SLC6A20: variants seen among roughly 807,000 people sequenced by gnomAD.
SLC6A20 encodes sodium- and chloride-dependent transporter XTRP3.
Under a neutral mutation model 64.3 loss-of-function variants are expected in SLC6A20, and 73 were observed. The observed-to-expected ratio is 1.14, with a 90% CI of 0.94 to 1.38. The LOEUF is 1.38. SLC6A20 is among the 40% of genes most tolerant of loss of function. SLC6A20 has a pLI of 0.00. For missense variants in SLC6A20, 725 were observed against 772.8 expected, an observed-to-expected ratio of 0.94 and a Z score of 0.73; for synonymous variants, 347 against 329.6, an observed-to-expected ratio of 1.05 and a Z score of -0.57.
Position 45,771,307 on chromosome 3 carries a change from A to G in SLC6A20, c.845T>C (p.Ile282Thr). The change falls in exon 6 of 11, where the codon ATC (isoleucine) becomes ACC (threonine). Residue 282 changes from isoleucine to threonine, a missense_variant. Transcript: ENST00000358525. ...CQKHAIIVSL[I>T]NSFTSIFASI... is the part of the protein sequence containing the mutation. ...GGCAAATATGGAGGTGAAGCTGTTG[A>G]TGAGGGACACGATGATGGCGTGCTT... is the stretch of plus-strand genomic sequence containing the variant. 6.2e-7 allele frequency: 1 copy of G among 1,614,210 alleles called. No homozygotes were observed. The highest frequency in any genetic ancestry group is 1.7e-5 in the Admixed American group (1 of 60,028).
At chr3:45,761,772 C>T (rs754427419) in intron 9 of SLC6A20, among the ~76,000 whole-genome samples, 85 of 152,186 alleles carry the variant, frequency 5.6e-4, no homozygotes, top group South Asian at 8.3e-4. Flanking sequence ...AATTCTAACC[C>T]TCTCTTTGGG....
chr3:45,789,264 T>G (rs1010319676), intron 1 of SLC6A20, among the ~76,000 whole-genome samples: 1 of 152,020 alleles, frequency 6.6e-6, no homozygotes, highest in Non-Finnish European at 1.5e-5. Flanking sequence ...CTAAATCACT[T>G]GAGAAAAAAA....
Position 45,782,007 on chromosome 3 carries a change from T to C in SLC6A20, c.262+76A>G, listed in dbSNP as rs890469881. On this transcript the variant is annotated intron_variant, in intron 2 of 10. Transcript: ENST00000358525. ...TGCTCGCCCCTTGATCCAGCAGCTTTGCTGATGGGATCCCACCCACACCCC... is the reference window on the plus strand; with the variant it reads ...TGCTCGCCCCTTGATCCAGCAGCTTCGCTGATGGGATCCCACCCACACCCC... 1.2e-5 allele frequency: 17 copies of C among 1,463,912 alleles called. No homozygotes were observed. The African/African-American group carries it at 2.3e-4, about 19-fold the overall frequency. 90.7% of individuals were successfully genotyped at this position (1,463,912 alleles called of 1,614,324 possible). A position where few individuals can be genotyped will look rare whatever the true frequency, so the allele number is the denominator to read the frequency against.
chr3:45,758,753 C>T lies in SLC6A20; in HGVS notation c.*225G>A, dbSNP rs1699593805. The T allele has an allele frequency of 2.3e-6, 3 of 1,319,910 alleles. No individual in the cohort carries two copies. Among genetic ancestry groups the T allele is most frequent in the East Asian group, 3.1e-5 (1 of 32,766 alleles). The allele number at this position is 1,319,910 out of a possible 1,614,324, so 81.8% of individuals were successfully genotyped here. A position where few individuals can be genotyped will look rare whatever the true frequency, so the allele number is the denominator to read the frequency against. ...TTTGAGACCGGCTTTCATAGCCCACCCCCTTCCATGATGAGGAGGCAGGTG... is the reference window on the plus strand; with the variant it reads ...TTTGAGACCGGCTTTCATAGCCCACTCCCTTCCATGATGAGGAGGCAGGTG... On this transcript the variant is annotated 3_prime_UTR_variant, in exon 11 of 11. Coordinates refer to ENST00000358525, the MANE Select transcript of SLC6A20 (RefSeq NM_020208.4).
intron 2 of SLC6A20, among the ~76,000 whole-genome samples, chr3:45,781,635 C>T (rs1286348950): frequency 1.3e-5 from 2 of 152,142 alleles, no homozygotes; most frequent in East Asian, 1.9e-4. Context: ...AACACCTCAG[C>T]GGTGTAAAGA....
chr3:45,777,077 A>T (rs1245227803), intron 3 of SLC6A20, among the ~76,000 whole-genome samples: 1 of 152,202 alleles, frequency 6.6e-6, no homozygotes, highest in Non-Finnish European at 1.5e-5. Flanking sequence ...CCCCACATTG[A>T]TCAGTTTTGC....
chr3:45,767,383 C>G (rs1347868394), intron 7 of SLC6A20, among the ~76,000 whole-genome samples: 1 of 152,078 alleles, frequency 6.6e-6, no homozygotes, highest in East Asian at 1.9e-4. Context: ...AAAAAAATAG[C>G]ATCTATATAA....
chr3:45,762,072 G>A (rs1161320734), intron 9 of SLC6A20, among the ~76,000 whole-genome samples: 1 of 152,190 alleles, frequency 6.6e-6, no homozygotes, highest in Admixed American at 6.5e-5. Context: ...CTAGAGCAGC[G>A]CTGCCCAAAC....
intron 1 of SLC6A20, among the ~76,000 whole-genome samples, chr3:45,786,468 T>C (rs1251450308): frequency 6.6e-6 from 1 of 152,208 alleles, no homozygotes; most frequent in African/African-American, 2.4e-5. Flanking sequence ...TGTCCCTCAT[T>C]TGGAGTTTTG....
chr3:45,770,507 A>T, intron 6 of SLC6A20, 136 bp from the exon 7 acceptor site: 1 of 1,064,286 alleles, frequency 9.4e-7, no homozygotes, highest in Non-Finnish European at 1.3e-6. Flanking sequence ...AGGGCAGGGT[A>T]ATTTTGAATG....
At chr3:45,771,516 A>T in intron 5 of SLC6A20, 58 bp from the exon 6 acceptor site, 2 of 1,604,816 alleles carry the variant, frequency 1.2e-6, no homozygotes, top group South Asian at 2.2e-5. Context: ...AAATGCTCAG[A>T]CCCGCAACAG....
In SLC6A20 at chr3:45,763,015, T is replaced by C; in HGVS notation, c.1361A>G (p.Asn454Ser). Residue 454 changes from asparagine (N) to serine (S), a missense_variant, in exon 9 of 11, where the codon AAC becomes AGC. Asn to Ser is a conservative substitution (Grantham distance 46). Coordinates refer to ENST00000358525, the MANE Select transcript of SLC6A20 (RefSeq NM_020208.4). The part of the protein sequence containing the change: ...IGMVFTMEAG[N>S]YWFDIFNDYA... ...GTCGTTGAATATGTCAAACCAGTAG[T>C]TCCCAGCCTCCATCGTGAACACCAT... 6.2e-7 allele frequency: 1 copy of C among 1,614,062 alleles called. No individual in the cohort carries two copies. The highest frequency in any genetic ancestry group is 2.2e-5 in the East Asian group (1 of 44,880).
chr3:45,781,669 A>G (rs1227691866), intron 2 of SLC6A20, among the ~76,000 whole-genome samples: 2 of 152,220 alleles, frequency 1.3e-5, no homozygotes, highest in African/African-American at 4.8e-5. Context: ...TCATGCACAT[A>G]TATCCTATAG....
chr3:45,775,459 G>A (rs1699948861), intron 4 of SLC6A20, among the ~76,000 whole-genome samples: 1 of 152,136 alleles, frequency 6.6e-6, no homozygotes, highest in Non-Finnish European at 1.5e-5. Context: ...CTCACTGTCT[G>A]GTTGTCTGGG....
intron 1 of SLC6A20, among the ~76,000 whole-genome samples, chr3:45,787,774 C>A (rs967984720): frequency 2.3e-4 from 35 of 152,300 alleles, no homozygotes; most frequent in Non-Finnish European, 4.7e-4. Context: ...GAGATGGGAT[C>A]TGCATGGCTC....
chr3:45,768,215 T>C (rs1699805007), intron 7 of SLC6A20, among the ~76,000 whole-genome samples: 1 of 152,146 alleles, frequency 6.6e-6, no homozygotes, highest in Non-Finnish European at 1.5e-5. Context: ...AGATACTGTT[T>C]AACTTTAGAC....
chr3:45,767,743 T>C (rs1045497827), intron 7 of SLC6A20, among the ~76,000 whole-genome samples: 2 of 152,188 alleles, frequency 1.3e-5, no homozygotes, highest in Non-Finnish European at 2.9e-5. Context: ...ATTCATGCCA[T>C]GTCTAGATTG....
intron 1 of SLC6A20, among the ~76,000 whole-genome samples, chr3:45,789,898 CA>C: frequency 6.6e-6 from 1 of 152,132 alleles, no homozygotes; most frequent in African/African-American, 2.4e-5. Flanking sequence ...GGCCCTTTTA[CA>C]CAATTTCTAC....
rs1437526405 is a variant in SLC6A20 at position 45,782,183 on chromosome 3, C to T, written c.162G>A (p.Glu54=). 1.2e-5 allele frequency: 20 copies of T among 1,613,852 alleles called. No homozygotes were observed. Among genetic ancestry groups the T allele is most frequent in the Non-Finnish European group, 1.7e-5 (20 of 1,179,918 alleles). ...GTTCCAGGTACAAGAGCGGCATTCC[C>T]TCCACGATAAGCATGATGATGTAGG... ...LVPYIIMLIV[E]GMPLLYLELA... The change falls in exon 2 of 11, where the codon GAG becomes GAA. Residue 54 remains glutamate, a synonymous_variant. Coordinates refer to ENST00000358525, the MANE Select transcript of SLC6A20 (RefSeq NM_020208.4).
Sources: allele counts gnomAD v4.1 joint callset (sites outside exome capture counted in the v4.1 genomes callset), GRCh38; gene constraint gnomAD v4.1.1; transcripts MANE v1.5; gene names NCBI Gene and HGNC (gene_info 2026-07-23, HGNC 2026-07-21).